Variants in SLC24A2 observed in about 807,000 individuals in gnomAD.
SLC24A2 encodes the protein sodium/potassium/calcium exchanger 2.
In SLC24A2, 36 loss-of-function variants were observed where a neutral mutation model predicts 62.0. The ratio of observed to expected loss-of-function variants is 0.58; its 90% confidence interval spans 0.44 to 0.77. SLC24A2 has a LOEUF of 0.77. SLC24A2 is among the 30% of genes least tolerant of loss of function. The probability of loss-of-function intolerance (pLI) is 0.00; values close to 1 mark genes in which losing one functional copy is unlikely to be tolerated. For missense variants in SLC24A2, 846 were observed against 817.9 expected, an observed-to-expected ratio of 1.03 and a Z score of -0.42; for synonymous variants, 358 against 294.0, an observed-to-expected ratio of 1.22 and a Z score of -2.23.
the SLC24A2 span, among the ~76,000 whole-genome samples, chr9:19,825,259 T>G: frequency 6.6e-6 from 1 of 152,208 alleles, no homozygotes; most frequent in East Asian, 1.9e-4. Flanking sequence ...CAATTATATC[T>G]TTTATAGCAA....
At chr9:20,132,018 C>T in the SLC24A2 span, among the ~76,000 whole-genome samples, 22,990 of 152,014 alleles carry the variant, frequency 0.15, 2,389 homozygotes, top group East Asian at 0.47. Flanking sequence ...TTTCTCACTT[C>T]AAGTTTTCTA....
chr9:19,999,356 T>C, the SLC24A2 span, among the ~76,000 whole-genome samples: 1 of 152,218 alleles, frequency 6.6e-6, no homozygotes, highest in South Asian at 2.1e-4. Context: ...TCTACACAAA[T>C]ATATGAGCTT....
At chr9:19,997,446 C>T in the SLC24A2 span, among the ~76,000 whole-genome samples, 65,394 of 152,058 alleles carry the variant, frequency 0.43, 15,032 homozygotes, top group Non-Finnish European at 0.53. Flanking sequence ...ATACCTTTTA[C>T]ATTCTTAAGC....
rs577528199 is a variant in SLC24A2 at position 19,663,167 on chromosome 9, G to A, written c.931-40868C>T. Reference sequence around the variant, plus strand: ...ATTCTCCTGACACCCTGCAAGTGAGGGGCTGCTACCCACATTTTACAGATT... The same window carrying A: ...ATTCTCCTGACACCCTGCAAGTGAGAGGCTGCTACCCACATTTTACAGATT... On this transcript the variant is annotated intron_variant, in intron 2 of 10. Transcript: ENST00000341998. 7.9e-5 allele frequency among the ~76,000 whole-genome samples: 12 copies of A among 152,302 alleles called. No homozygotes were observed. In the South Asian group the frequency reaches 2.5e-3, roughly 32 times the overall value.
chr9:20,150,541 T>A, the SLC24A2 span, among the ~76,000 whole-genome samples: 2 of 146,726 alleles, frequency 1.4e-5, no homozygotes, highest in Non-Finnish European at 2.9e-5. Flanking sequence ...TAATTTCCTA[T>A]GCCCACCAAG....
chr9:19,829,798 TATATATATATATACACAC>T, the SLC24A2 span, among the ~76,000 whole-genome samples: 3 of 84,004 alleles, frequency 3.6e-5, no homozygotes, highest in Admixed American at 3.4e-4. Context: ...TGTGTGTGTG[TATATATATATATACACAC>T]ACACACACAC....
At chr9:19,845,988 T>C in the SLC24A2 span, among the ~76,000 whole-genome samples, 12 of 152,048 alleles carry the variant, frequency 7.9e-5, no homozygotes, top group African/African-American at 2.7e-4. Flanking sequence ...TCTGAGTTTA[T>C]TGAGACCTGC....
chr9:19,820,032 T>TATATATAC, the SLC24A2 span, among the ~76,000 whole-genome samples: 27 of 44,900 alleles, frequency 6.0e-4, no homozygotes, highest in Non-Finnish European at 1.2e-3. Context: ...TATACACATA[T>TATATATAC]ATATATATAC....
rs113275387 is a variant in SLC24A2, at chr9:19,666,621, T to C, written c.931-44322A>G. ...GCAGAGTTTAGAAAGCCCAGCAGTG[T>C]AGAGAGTATATATTTCTTTATTTCC... On this transcript the variant is annotated intron_variant, in intron 2 of 10. Coordinates refer to ENST00000341998, the MANE Select transcript of SLC24A2 (RefSeq NM_020344.4). 1.3e-3 allele frequency among the ~76,000 whole-genome samples: 196 copies of C among 152,320 alleles called. 1 individual carries two copies. Among genetic ancestry groups the C allele is most frequent in the African/African-American group, 4.5e-3 (187 of 41,572 alleles).
chr9:19,705,973 A>G (rs555523523), intron 2 of SLC24A2, among the ~76,000 whole-genome samples: 2 of 151,872 alleles, frequency 1.3e-5, no homozygotes, highest in Non-Finnish European at 2.9e-5. Context: ...GCTGAGTTCA[A>G]TTCCTGGGTA....
At chr9:19,696,612 C>T (rs540394153) in intron 2 of SLC24A2, among the ~76,000 whole-genome samples, 67 of 152,178 alleles carry the variant, frequency 4.4e-4, no homozygotes, top group African/African-American at 1.6e-3. Flanking sequence ...TATTCTATAT[C>T]TTTTGTATGT....
the SLC24A2 span, among the ~76,000 whole-genome samples, chr9:20,177,978 T>C: frequency 6.6e-6 from 1 of 152,100 alleles, no homozygotes; most frequent in South Asian, 2.1e-4. Flanking sequence ...TTTTACACTA[T>C]ACAATAATAC....
chr9:20,113,711 G>A, the SLC24A2 span, among the ~76,000 whole-genome samples: 3 of 151,912 alleles, frequency 2.0e-5, no homozygotes, highest in African/African-American at 7.3e-5. Context: ...ATATTAAACA[G>A]CATATATATA....
intron 2 of SLC24A2, among the ~76,000 whole-genome samples, chr9:19,646,166 C>G (rs538367860): frequency 3.3e-5 from 5 of 152,330 alleles, no homozygotes; most frequent in Admixed American, 3.3e-4. Context: ...ATTCTGGCCA[C>G]TTTGTGTAAC....
chr9:19,957,928 C>A, the SLC24A2 span: 1 of 153,416 alleles, frequency 6.5e-6, no homozygotes, highest in African/African-American at 2.4e-5. Context: ...GTTTGTTGCT[C>A]AAAATACTGA....
the SLC24A2 span, among the ~76,000 whole-genome samples, chr9:20,104,263 G>A: frequency 5.3e-5 from 8 of 152,298 alleles, no homozygotes; most frequent in African/African-American, 1.9e-4. Context: ...GAACCAAGTT[G>A]GAAAACACTC....
At chr9:20,074,914 G>A in the SLC24A2 span, among the ~76,000 whole-genome samples, 1 of 152,086 alleles carries the variant, frequency 6.6e-6, no homozygotes, top group African/African-American at 2.4e-5. Flanking sequence ...AGCTACAGGG[G>A]CTATGGCTTG....
At chr9:19,898,085 G>A in the SLC24A2 span, among the ~76,000 whole-genome samples, 1 of 152,170 alleles carries the variant, frequency 6.6e-6, no homozygotes, top group Admixed American at 6.5e-5. Flanking sequence ...GAATCAGAGG[G>A]TCATAGAATA....
At chr9:19,601,573 G>A (rs958354557) in intron 4 of SLC24A2, among the ~76,000 whole-genome samples, 1 of 152,018 alleles carries the variant, frequency 6.6e-6, no homozygotes, top group African/African-American at 2.4e-5. Flanking sequence ...AACCAACTCT[G>A]GATACATTTT....
Sources: allele counts gnomAD v4.1 joint callset (sites outside exome capture counted in the v4.1 genomes callset), GRCh38; gene constraint gnomAD v4.1.1; transcripts MANE v1.5; gene names NCBI Gene and HGNC (gene_info 2026-07-23, HGNC 2026-07-21).